The following TBC1D9 variants were observed in gnomAD, a reference collection of about 807,000 sequenced individuals.
TBC1D9 encodes TBC1 domain family member 9, also known as TBC1 domain family member 9A.
Under a neutral mutation model 132.0 loss-of-function variants are expected in TBC1D9, and 63 were observed. The observed-to-expected ratio is 0.48, with a 90% confidence interval of 0.39 to 0.59. The LOEUF is 0.59. Among genes scored for constraint, TBC1D9 ranks in the 20% least tolerant of loss-of-function variants. TBC1D9 has a pLI of 0.00. For missense variants in TBC1D9, 1,261 were observed against 1,592.7 expected (o/e 0.79, Z 3.54); for synonymous variants, 610 against 609.9 (o/e 1.00, Z 0.00).
chr4:140,639,277 A>C, intron 14 of TBC1D9, 53 bp downstream of exon 14: 1 of 1,494,062 alleles, frequency 6.7e-7, no homozygotes, highest in Non-Finnish European at 9.2e-7. Context: ...AGCCAGCAGG[A>C]GTGTGAAGAA....
chr4:140,711,104 G>A (rs954214350), intron 1 of TBC1D9, among the ~76,000 whole-genome samples: 4 of 152,102 alleles, frequency 2.6e-5, no homozygotes, highest in South Asian at 2.1e-4. Flanking sequence ...AAAAAATTAC[G>A]CCAAGCCTTG....
chr4:140,670,701 T>G lies in TBC1D9; in HGVS notation c.1266+19A>C, dbSNP rs746968898. 49 of 1,609,166 alleles carry G rather than the reference T, an allele frequency of 3.0e-5. 1 individual carries two copies. In the East Asian group the frequency reaches 8.0e-4, roughly 26 times the overall value. ...GGAACAGGATAAACCAAAAATACTT[T>G]CAGGTGTCTCCCACAGACCTCATCA... On this transcript the variant is annotated intron_variant, in intron 7 of 20. Transcript: ENST00000442267.
chr4:140,663,349 C>T (rs1737395098), intron 9 of TBC1D9, among the ~76,000 whole-genome samples: 1 of 152,124 alleles, frequency 6.6e-6, no homozygotes. Flanking sequence ...TGAAATACCA[C>T]CTCATACCTG....
chr4:140,711,940 T>C (rs1389655496), intron 1 of TBC1D9, among the ~76,000 whole-genome samples: 1 of 152,222 alleles, frequency 6.6e-6, no homozygotes, highest in Non-Finnish European at 1.5e-5. Context: ...TTTTCAAAAA[T>C]ATCTCAAATG....
At chr4:140,741,936 C>T (rs1190851914) in intron 1 of TBC1D9, among the ~76,000 whole-genome samples, 1 of 152,130 alleles carries the variant, frequency 6.6e-6, no homozygotes, top group South Asian at 2.1e-4. Flanking sequence ...CTGGAAGCCC[C>T]CTCCCTTTTG....
At chr4:140,729,804 G>A (rs971282163) in intron 1 of TBC1D9, among the ~76,000 whole-genome samples, 42 of 94,114 alleles carry the variant, frequency 4.5e-4, no homozygotes, top group African/African-American at 1.8e-3. Flanking sequence ...TGGTGACAGA[G>A]CAAGATTCCA....
At chr4:140,740,114 A>G (rs1738736605) in intron 1 of TBC1D9, among the ~76,000 whole-genome samples, 1 of 152,118 alleles carries the variant, frequency 6.6e-6, no homozygotes, top group African/African-American at 2.4e-5. Flanking sequence ...TATAAAGTAA[A>G]AGAGTTGATT....
chr4:140,650,658 G>A (rs891417240), intron 13 of TBC1D9, among the ~76,000 whole-genome samples: 23 of 152,002 alleles, frequency 1.5e-4, no homozygotes, highest in African/African-American at 4.8e-4. Flanking sequence ...TCAGCCTCCC[G>A]AGTAGCTGGG....
intron 1 of TBC1D9, among the ~76,000 whole-genome samples, chr4:140,728,480 C>T (rs1351570490): frequency 6.6e-6 from 1 of 150,698 alleles, no homozygotes. Flanking sequence ...TAGAAATCTA[C>T]TTGTTTTTTT....
chr4:140,747,740 G>A (rs1329269673), intron 1 of TBC1D9, among the ~76,000 whole-genome samples: 1 of 152,076 alleles, frequency 6.6e-6, no homozygotes, highest in African/African-American at 2.4e-5. Flanking sequence ...TGGACTGGGG[G>A]GACCAGGATA....
chr4:140,710,123 G>GA (rs765988587), intron 1 of TBC1D9, among the ~76,000 whole-genome samples: 1 of 152,014 alleles, frequency 6.6e-6, no homozygotes, highest in Non-Finnish European at 1.5e-5. Context: ...TCTCATTTGG[G>GA]AAAAAATGAC....
intron 1 of TBC1D9, among the ~76,000 whole-genome samples, chr4:140,723,148 G>T (rs1023357242): frequency 2.6e-5 from 4 of 152,172 alleles, no homozygotes; most frequent in African/African-American, 9.7e-5. Flanking sequence ...AGTAATTACT[G>T]TTACATGCTA....
chr4:140,696,001 T>G (rs1737949621), intron 2 of TBC1D9, among the ~76,000 whole-genome samples: 1 of 152,188 alleles, frequency 6.6e-6, no homozygotes, highest in Non-Finnish European at 1.5e-5. Context: ...CATAATGGCA[T>G]ATTAGCCAAA....
chr4:140,652,489 C>T (rs1055174289), intron 13 of TBC1D9, among the ~76,000 whole-genome samples: 9 of 152,186 alleles, frequency 5.9e-5, no homozygotes, highest in Non-Finnish European at 1.2e-4. Flanking sequence ...TCCCTACTAA[C>T]CAGCTCCACT....
At chr4:140,753,989 A>G (rs1393226514) in intron 1 of TBC1D9, among the ~76,000 whole-genome samples, 1 of 152,230 alleles carries the variant, frequency 6.6e-6, no homozygotes, top group Non-Finnish European at 1.5e-5. Context: ...ACTCATGACA[A>G]TGATTTCAAT....
At chr4:140,716,568 G>A (rs923935715) in intron 1 of TBC1D9, among the ~76,000 whole-genome samples, 2 of 152,028 alleles carry the variant, frequency 1.3e-5, no homozygotes, top group Non-Finnish European at 2.9e-5. Context: ...CTAGAGTTGG[G>A]GGCCCTTCTT....
At chr4:140,672,918 G>C (rs1312013374) in intron 6 of TBC1D9, among the ~76,000 whole-genome samples, 1 of 152,170 alleles carries the variant, frequency 6.6e-6, no homozygotes, top group African/African-American at 2.4e-5. Flanking sequence ...CCAGCACTTT[G>C]GGAGGCCTAA....
At chr4:140,751,289 G>A (rs1738919576) in intron 1 of TBC1D9, among the ~76,000 whole-genome samples, 1 of 152,068 alleles carries the variant, frequency 6.6e-6, no homozygotes, top group Admixed American at 6.6e-5. Context: ...CACACATACG[G>A]GTACTTGATT....
chr4:140,650,572 G>T (rs1044740527), intron 13 of TBC1D9, among the ~76,000 whole-genome samples: 4 of 152,026 alleles, frequency 2.6e-5, no homozygotes, highest in African/African-American at 9.7e-5. Context: ...CTCTCTTGTT[G>T]CCCAACCTGG....
Sources: gnomAD v4.1 joint callset for allele counts (sites outside exome capture counted in the v4.1 genomes callset) on GRCh38, gnomAD v4.1.1 for gene constraint, MANE v1.5 for transcripts, NCBI Gene and HGNC (gene_info 2026-07-23, HGNC 2026-07-21) for gene names.